MUC4: variants seen among roughly 807,000 people sequenced by gnomAD.
MUC4 encodes mucin-4.
A neutral mutation model predicts 257.9 loss-of-function variants in MUC4; 202 were observed. That is an observed-to-expected ratio of 0.78 (90% CI 0.70 to 0.88). The LOEUF is 0.88. MUC4 is among the 40% of genes least tolerant of loss of function. The pLI, the probability that MUC4 is intolerant of heterozygous loss-of-function variation, is 0.00. For missense variants in MUC4, 5,976 were observed against 6,513.7 expected, an observed-to-expected ratio of 0.92 and a Z score of 2.84; for synonymous variants, 2,351 against 2,757.1, an observed-to-expected ratio of 0.85 and a Z score of 4.62.
At chr3:195,759,862 C>T (rs545783353) in intron 16 of MUC4, among the ~76,000 whole-genome samples, 302 of 151,730 alleles carry the variant, frequency 2.0e-3, no homozygotes, top group Non-Finnish European at 3.7e-3. Context: ...GAGGTTGCGA[C>T]GAGCCGAGAT....
At position 195,754,357 on chromosome 3, in the gene MUC4, A is replaced by T; in HGVS notation, c.15184T>A (p.Cys5062Ser). The T allele has an allele frequency of 6.2e-7, 1 of 1,608,666 alleles. No homozygotes were observed. The highest frequency in any genetic ancestry group is 8.5e-7 in the Non-Finnish European group (1 of 1,177,878). ...TAGCGGCCGAAGGTGCCCCCGTCAC[A>T]CTTGCAGCCAGCCACCTGGAGGAGG... Reference protein sequence around the residue: ...NSSLEVAGCKCDGGTFGRYCE... With the variant: ...NSSLEVAGCKSDGGTFGRYCE... Residue 5062 changes from cysteine to serine, a missense_variant, in exon 19 of 25, where the codon TGT becomes AGT. Coordinates refer to ENST00000463781, the MANE Select transcript of MUC4 (RefSeq NM_018406.7).
rs774969429 is a variant in MUC4, at chr3:195,784,506, A to ATTGTCGGTGACAGGAAGAGGGGTG, written c.7073_7074insCACCCCTCTTCCTGTCACCGACAA (p.Ala2358_Ser2359insThrProLeuProValThrAspAsn). On this transcript the variant is annotated inframe_insertion, in exon 2 of 25. Transcript: ENST00000463781. The stretch of plus-strand genomic sequence containing the variant: ...TGGTGTCACCTGTGGATACTGAGGA[A>ATTGTCGGTGACAGGAAGAGGGGTG]GCGTCGGTGACATGAAGAGGGGTGG... The ATTGTCGGTGACAGGAAGAGGGGTG allele has an allele frequency of 6.5e-7, 1 of 1,528,998 alleles. No homozygotes were observed. The highest frequency in any genetic ancestry group is 1.4e-5 in the African/African-American group (1 of 69,240). The allele number at this position is 1,528,998 out of a possible 1,614,324, so 94.7% of individuals were successfully genotyped here.
Position 195,779,981 on chromosome 3 carries a change from T to C in MUC4, c.11599A>G (p.Thr3867Ala). Residue 3867 changes from threonine (T) to alanine (A), a missense_variant, in exon 2 of 25, where the codon ACA becomes GCA. Transcript: ENST00000463781. ...LPVTSPSSAS[T>A]GHATPLPVTG... ...ACAGGAAGAGGGGTGGCGTGACCTG[T>C]GGATGCTGAGGAAGGGCTAGTGACA... 2.1e-6 allele frequency: 3 copies of C among 1,439,382 alleles called. No homozygotes were observed. Among genetic ancestry groups the C allele is most frequent in the East Asian group, 2.5e-5 (1 of 40,138 alleles). The allele number at this position is 1,439,382 out of a possible 1,614,324, so 89.2% of individuals were successfully genotyped here.
intron 1 of MUC4, among the ~76,000 whole-genome samples, chr3:195,802,543 G>C (rs1435724011): frequency 6.6e-6 from 1 of 152,172 alleles, no homozygotes; most frequent in African/African-American, 2.4e-5. Flanking sequence ...TGGGGTCACA[G>C]ACTGGTGACT....
intron 5 of MUC4, chr3:195,770,932 C>T (rs1232922833): frequency 4.4e-6 from 2 of 453,656 alleles, no homozygotes; most frequent in Non-Finnish European, 8.9e-6. Flanking sequence ...CATCCCCCGT[C>T]ACCTGTAGGT....
At chr3:195,778,506 G>A (rs2148903393) in intron 2 of MUC4, 51 bp from the exon 3 acceptor site, 1 of 1,590,404 alleles carries the variant, frequency 6.3e-7, no homozygotes, top group Non-Finnish European at 8.5e-7. Context: ...AACAAAACAG[G>A]AGAGTCAAAG....
chr3:195,789,032 C>A lies in MUC4; in HGVS notation c.2548G>T (p.Ala850Ser). The change falls in exon 2 of 25, where the codon GCC becomes TCC. Residue 850 changes from alanine to serine, a missense_variant. By Grantham distance (99) the Ala-to-Ser change is moderately conservative. Transcript: ENST00000463781. ...GGGATGGCACCATGACTGGCTGAGG[C>A]GGACAGCAATTCGGTTGTTGACTGG... ...TTQSTTELLS[A>S]SASHGAIPVS... is the part of the protein sequence containing the mutation. 1.2e-6 allele frequency: 2 copies of A among 1,613,770 alleles called. No individual in the cohort carries two copies. Among genetic ancestry groups the A allele is most frequent in the South Asian group, 2.2e-5 (2 of 91,068 alleles).
chr3:195,763,562 C>T lies in MUC4; in HGVS notation c.14124G>A (p.Leu4708=). The stretch of plus-strand genomic sequence containing the variant: ...AGGAGTTCCCGTCTTGGGCCCCGAC[C>T]AGCAGGAAGTCCCCCAGCCCATTGA... ...YTFNGLGDFL[L]VGAQDGNSSF... Residue 4708 remains leucine (L), a synonymous_variant, in exon 12 of 25, where the codon CTG becomes CTA. Transcript: ENST00000463781. 6.3e-7 allele frequency: 1 copy of T among 1,592,796 alleles called. No individual in the cohort carries two copies. Among genetic ancestry groups the T allele is most frequent in the Non-Finnish European group, 8.6e-7 (1 of 1,168,864 alleles).
At chr3:195,768,384 A>G (rs1404048581) in intron 7 of MUC4, among the ~76,000 whole-genome samples, 1 of 152,194 alleles carries the variant, frequency 6.6e-6, no homozygotes, top group Non-Finnish European at 1.5e-5. Context: ...AGCCTCCCAC[A>G]CACGGGAATC....
intron 1 of MUC4, among the ~76,000 whole-genome samples, chr3:195,796,077 AT>A (rs1207924743): frequency 1.3e-5 from 2 of 151,960 alleles, no homozygotes; most frequent in African/African-American, 4.8e-5. Flanking sequence ...TATTTTATTT[AT>A]TTAATTTTAT....
chr3:195,767,265 T>C (rs1197427123), intron 7 of MUC4, among the ~76,000 whole-genome samples: 1 of 152,094 alleles, frequency 6.6e-6, no homozygotes, highest in Non-Finnish European at 1.5e-5. Context: ...TACAGTGGCA[T>C]CTACCTCACT....
At position 195,788,541 on chromosome 3, in the gene MUC4, G is replaced by T; in HGVS notation, c.3039C>A (p.Ser1013Arg). ...TGHATPLPVT[S>R]PSSVSTGHTT... ...TGTGACCTGTGGATACTGAGGAAGG[G>T]CTGGTGACAGGAAGAGGGGTGGCGT... The change falls in exon 2 of 25, where the codon AGC (serine) becomes AGA (arginine). Residue 1013 changes from serine to arginine, a missense_variant. Around this residue, in one of 44 missense-constraint regions of MUC4, gnomAD observed 1,583 missense variants for 1,257.4 expected, o/e 1.26. Coordinates refer to ENST00000463781, the MANE Select transcript of MUC4 (RefSeq NM_018406.7). 7.2e-6 allele frequency: 10 copies of T among 1,381,434 alleles called. No individual in the cohort carries two copies. The highest frequency in any genetic ancestry group is 1.8e-5 in the African/African-American group (1 of 55,892). The allele number at this position is 1,381,434 out of a possible 1,614,324, so 85.6% of individuals were successfully genotyped here.
chr3:195,762,921 C>T lies in MUC4; in HGVS notation c.14278G>A (p.Asp4760Asn). 2 of 1,568,638 alleles carry T rather than the reference C, an allele frequency of 1.3e-6. No individual in the cohort carries two copies. Among genetic ancestry groups the T allele is most frequent in the Non-Finnish European group, 1.7e-6 (2 of 1,158,530 alleles). Residue 4760 changes from aspartate (D) to asparagine (N), a missense_variant, in exon 13 of 25, where the codon GAC becomes AAC. Physicochemically the swap from Asp to Asn is conservative, Grantham distance 23. This residue lies in a region of MUC4 where 996 missense variants were observed against 1,137.3 expected (regional missense o/e 0.88). Transcript: ENST00000463781. ...TTATCCAGCAGGACACGGATTGCGT[C>T]GTGAGGCTCAAGGAGCCATTGGACC... ...VTVQWLLEPH[D>N]AIRVLLDNQT... is the part of the protein sequence containing the mutation.
chr3:195,770,236 G>A lies in MUC4; in HGVS notation c.13378C>T (p.Pro4460Ser). The change falls in exon 6 of 25, where the codon CCT becomes TCT. Residue 4460 changes from proline (P) to serine (S), a missense_variant. This residue lies in a region of MUC4 where 996 missense variants were observed against 1,137.3 expected (regional missense o/e 0.88). Coordinates refer to ENST00000463781, the MANE Select transcript of MUC4 (RefSeq NM_018406.7). ...CTCACCCCGAGGGTCCACTGGGCAG[G>A]ATAGGCGTGGGCATTGACCCACGTG... The part of the protein sequence containing the change: ...KVTWVNAHAY[P>S]AQWTLGSNTY... 1 of 1,612,454 alleles carries A rather than the reference G, an allele frequency of 6.2e-7. No individual in the cohort carries two copies. Among genetic ancestry groups the A allele is most frequent in the Non-Finnish European group, 8.5e-7 (1 of 1,179,364 alleles).
Position 195,783,588 on chromosome 3 carries a change from T to A in MUC4, c.7992A>T (p.Ser2664=). The A allele has an allele frequency of 3.2e-6, 1 of 315,238 alleles. No homozygotes were observed. The highest frequency in any genetic ancestry group is 3.0e-5 in the South Asian group (1 of 33,852). 19.5% of individuals were successfully genotyped at this position (315,238 alleles called of 1,614,324 possible). A position where few individuals can be genotyped will look rare whatever the true frequency, so the allele number is the denominator to read the frequency against. ...ATPLPVTSLS[S]VSTGDTTPLP... ...GAGGCGTGGTGTCACCTGTGGATAC[T>A]GAGGAAAGGCTGGTGACAGGAAGAG... is the stretch of plus-strand genomic sequence containing the variant. The change falls in exon 2 of 25, where the codon TCA becomes TCT. Residue 2664 remains serine (S), a synonymous_variant. Coordinates refer to ENST00000463781, the MANE Select transcript of MUC4 (RefSeq NM_018406.7).
Position 195,755,630 on chromosome 3 carries a change from C to T in MUC4, c.15169-1258G>A, listed in dbSNP as rs1022564859. ...CACCAAGCTCCCTGCGCTCCCCTTT[C>T]TAACTCCCTTACTGAAGCGACTCGG... On this transcript the variant is annotated intron_variant, in intron 18 of 24. Transcript: ENST00000463781. This position sits in a 1 kb window ranked among gnomAD's most constrained non-coding sequence, Gnocchi z 5.0. Among the ~76,000 whole-genome samples, 7 of 152,126 alleles carry T rather than the reference C, an allele frequency of 4.6e-5. No homozygotes were observed. The highest frequency in any genetic ancestry group is 1.5e-5 in the Non-Finnish European group (1 of 68,014).
chr3:195,759,500 T>G (rs1577980403), intron 16 of MUC4, among the ~76,000 whole-genome samples: 1 of 152,154 alleles, frequency 6.6e-6, no homozygotes, highest in Non-Finnish European at 1.5e-5. Context: ...AAAGAGCTCC[T>G]TTCAGATTCT....
In MUC4 at chr3:195,782,563, G is replaced by A. The variant is rs1225091757; in HGVS notation, c.9017C>T (p.Ala3006Val). 1.1e-6 allele frequency: 1 copy of A among 921,736 alleles called. No homozygotes were observed. The allele number at this position is 921,736 out of a possible 1,614,324, so 57.1% of individuals were successfully genotyped here. The change falls in exon 2 of 25, where the codon GCC becomes GTC. Residue 3006 changes from alanine to valine, a missense_variant. By Grantham distance (64) the Ala-to-Val change is moderately conservative. This residue lies in a region of MUC4 where 68 missense variants were observed against 50.2 expected (regional missense o/e 1.35). Coordinates refer to ENST00000463781, the MANE Select transcript of MUC4 (RefSeq NM_018406.7). ...AGTGTCGGTGACAGGAAGAGAGGTG[G>A]CGTGACCTATGGATGCTGAGGAAGT... ...TDTSSASIGHATSLPVTDTSS... is the reference protein window; with the variant it reads ...TDTSSASIGHVTSLPVTDTSS...
rs1182431857 is a variant in MUC4 at position 195,780,543 on chromosome 3, G to A, written c.11037C>T (p.Thr3679=). Residue 3679 remains threonine (T), a synonymous_variant, in exon 2 of 25, where the codon ACC becomes ACT. Transcript: ENST00000463781. Reference sequence around the variant, plus strand: ...AGGAAGTGTCCGTGACAGGAAGACGGGTGGTGTCACCTGTGGATGCTGAGG... The same window carrying A: ...AGGAAGTGTCCGTGACAGGAAGACGAGTGGTGTCACCTGTGGATGCTGAGG... The part of the protein sequence containing the change: ...DTSSASTGDT[T]RLPVTDTSSA... The A allele has an allele frequency of 6.8e-6, 4 of 584,172 alleles. No individual in the cohort carries two copies. The highest frequency in any genetic ancestry group is 8.9e-5 in the East Asian group (1 of 11,236). 36.2% of individuals were successfully genotyped at this position (584,172 alleles called of 1,614,324 possible).
Sources: gnomAD v4.1 joint callset for allele counts (sites outside exome capture counted in the v4.1 genomes callset) on GRCh38, gnomAD v4.1.1 for gene constraint, gnomAD v4.1.1 regional missense constraint, Gnocchi (gnomAD v3.1) non-coding constraint, MANE v1.5 for transcripts, NCBI Gene and HGNC (gene_info 2026-07-23, HGNC 2026-07-21) for gene names.